The following STK32B variants were observed in gnomAD, a reference collection of about 807,000 sequenced individuals.
STK32B encodes the protein serine/threonine-protein kinase 32B.
A neutral mutation model predicts 52.6 loss-of-function variants in STK32B; 43 were observed. The ratio of observed to expected loss-of-function variants is 0.82; its 90% confidence interval spans 0.64 to 1.05. The LOEUF (loss-of-function observed/expected upper bound fraction) is 1.05. Ranked by LOEUF, STK32B falls within the 50% of genes least tolerant of loss-of-function variation. The pLI is 0.00. For missense variants in STK32B, 621 were observed against 534.6 expected, an observed-to-expected ratio of 1.16 and a Z score of -1.59; for synonymous variants, 238 against 204.3, an observed-to-expected ratio of 1.17 and a Z score of -1.41.
chr4:5,375,407 C>A (rs1735524330), intron 4 of STK32B, among the ~76,000 whole-genome samples: 1 of 152,122 alleles, frequency 6.6e-6, no homozygotes, highest in African/African-American at 2.4e-5. Flanking sequence ...GATAAATCTG[C>A]TATTTTTCTT....
rs188688928 is a variant in STK32B, at chr4:5,270,949, C to T, written c.261-60271C>T. 3.4e-3 allele frequency among the ~76,000 whole-genome samples: 523 copies of T among 152,166 alleles called. 3 individuals are homozygous for T. The highest frequency in any genetic ancestry group is 5.7e-3 in the Non-Finnish European group (387 of 67,990). On this transcript the variant is annotated intron_variant, in intron 3 of 11. Coordinates refer to ENST00000282908, the MANE Select transcript of STK32B (RefSeq NM_018401.3). ...TTTCTTCCCTCCACACCCCCCGCCC[C>T]TCCCGCCCAGAGACAGAGTGCTGTG...
At chr4:5,392,388 T>C (rs1222348550) in intron 4 of STK32B, among the ~76,000 whole-genome samples, 4 of 152,220 alleles carry the variant, frequency 2.6e-5, no homozygotes, top group African/African-American at 9.6e-5. Context: ...ATCATGCCAT[T>C]GCAGTCCAGC....
intron 3 of STK32B, among the ~76,000 whole-genome samples, chr4:5,309,030 G>A (rs1385944874): frequency 2.0e-5 from 3 of 152,016 alleles, no homozygotes; most frequent in Non-Finnish European, 4.4e-5. Context: ...ACTCTTATGG[G>A]TGATAAATGA....
In STK32B at chr4:5,456,876, C is replaced by T. The variant is rs936223001; in HGVS notation, c.736C>T (p.His246Tyr). ...ILNMFKVERV[H>Y]YSSTWCKGMV... ...CAACATGTTCAAGGTGGAGCGTGTC[C>T]ACTACTCCTCCACGTGGTGCAAGGG... Residue 246 changes from histidine (H) to tyrosine (Y), a missense_variant, in exon 8 of 12, where the codon CAC becomes TAC. Transcript: ENST00000282908. 3 of 1,595,968 alleles carry T rather than the reference C, an allele frequency of 1.9e-6. No individual in the cohort carries two copies. Among genetic ancestry groups the T allele is most frequent in the African/African-American group, 2.7e-5 (2 of 74,650 alleles).
chr4:5,294,880 G>T (rs1250451164), intron 3 of STK32B, among the ~76,000 whole-genome samples: 2 of 152,054 alleles, frequency 1.3e-5, no homozygotes, highest in Non-Finnish European at 2.9e-5. Context: ...TCCAGTTTTT[G>T]CCCATTCAGT....
At chr4:5,212,477 A>G (rs543577442) in intron 3 of STK32B, among the ~76,000 whole-genome samples, 1 of 152,330 alleles carries the variant, frequency 6.6e-6, no homozygotes, top group South Asian at 2.1e-4. Flanking sequence ...GATCATGTGA[A>G]GGGTACGAAA....
chr4:5,304,423 GTTT>G (rs200953192), intron 3 of STK32B, among the ~76,000 whole-genome samples: 11 of 137,416 alleles, frequency 8.0e-5, no homozygotes, highest in African/African-American at 1.8e-4. Context: ...GTATTTTATG[GTTT>G]TTTTTTTTTT....
intron 6 of STK32B, among the ~76,000 whole-genome samples, chr4:5,428,500 CATG>C (rs1168338428): frequency 2.0e-5 from 3 of 152,158 alleles, no homozygotes; most frequent in Admixed American, 6.5e-5. Context: ...TTAATTCTGT[CATG>C]ATCAGAGAAA....
intron 1 of STK32B, among the ~76,000 whole-genome samples, chr4:5,061,089 T>G (rs1389154531): frequency 6.6e-6 from 1 of 152,240 alleles, no homozygotes; most frequent in Non-Finnish European, 1.5e-5. Context: ...TTCTGACATT[T>G]TCCCCTTCTC....
Position 5,058,938 on chromosome 4 carries a change from A to T in STK32B, c.52+7023A>T, listed in dbSNP as rs1285393458. On this transcript the variant is annotated intron_variant, in intron 1 of 11. Transcript: ENST00000282908. This position sits in a 1 kb window ranked among gnomAD's most constrained non-coding sequence, Gnocchi z 4.8. ...GCTAATTTTTGTATTTTTGGTAGAGATGGGGTTTCACCATGTTGGCCAGGC... is the reference window on the plus strand; with the variant it reads ...GCTAATTTTTGTATTTTTGGTAGAGTTGGGGTTTCACCATGTTGGCCAGGC... Among the ~76,000 whole-genome samples the T allele has an allele frequency of 6.8e-6, 1 of 147,228 alleles. No individual in the cohort carries two copies. The highest frequency in any genetic ancestry group is 1.5e-5 in the Non-Finnish European group (1 of 67,204).
At chr4:5,079,001 C>G (rs1283905750) in intron 1 of STK32B, among the ~76,000 whole-genome samples, 1 of 152,120 alleles carries the variant, frequency 6.6e-6, no homozygotes, top group African/African-American at 2.4e-5. Flanking sequence ...GTTGAAAACG[C>G]TGCAGTTAGA....
chr4:5,276,494 G>T (rs1346547818), intron 3 of STK32B, among the ~76,000 whole-genome samples: 1 of 152,050 alleles, frequency 6.6e-6, no homozygotes, highest in Non-Finnish European at 1.5e-5. Context: ...GATGTTTCCA[G>T]TGTCTCTTAT....
At chr4:5,415,079 C>A (rs969522430) in intron 5 of STK32B, among the ~76,000 whole-genome samples, 1 of 152,116 alleles carries the variant, frequency 6.6e-6, no homozygotes, top group Non-Finnish European at 1.5e-5. Flanking sequence ...AGTTTGCTTT[C>A]TTGTTGGTAT....
At chr4:5,141,204 G>T (rs543464387) in intron 2 of STK32B, among the ~76,000 whole-genome samples, 1 of 152,334 alleles carries the variant, frequency 6.6e-6, no homozygotes, top group African/African-American at 2.4e-5. Flanking sequence ...GGAAGCTCAG[G>T]TTATGACGCA....
intron 3 of STK32B, among the ~76,000 whole-genome samples, chr4:5,293,194 T>C (rs1728994681): frequency 6.6e-6 from 1 of 152,098 alleles, no homozygotes; most frequent in Non-Finnish European, 1.5e-5. Flanking sequence ...TCTATCATTG[T>C]TGGGCTTTTG....
At chr4:5,062,409 A>G (rs1369952178) in intron 1 of STK32B, among the ~76,000 whole-genome samples, 3 of 152,226 alleles carry the variant, frequency 2.0e-5, no homozygotes, top group African/African-American at 7.2e-5. Context: ...AACAGAAGAA[A>G]TAGAGCATGT....
chr4:5,385,226 G>A lies in STK32B; in HGVS notation c.435-12981G>A, dbSNP rs150784515. 5.7e-3 allele frequency among the ~76,000 whole-genome samples: 874 copies of A among 152,144 alleles called. 9 individuals carry two copies. Among genetic ancestry groups the A allele is most frequent in the African/African-American group, 0.019 (797 of 41,514 alleles). ...TTTAGATTAAGGCAAGAGGGTGGGG[G>A]AAATGTTTGAAGAGAGGGACCTGAT... is the stretch of plus-strand genomic sequence containing the variant. On this transcript the variant is annotated intron_variant, in intron 4 of 11. Transcript: ENST00000282908.
chr4:5,265,410 A>T (rs1726995355), intron 3 of STK32B, among the ~76,000 whole-genome samples: 1 of 152,220 alleles, frequency 6.6e-6, no homozygotes, highest in South Asian at 2.1e-4. Context: ...GCCCACATGG[A>T]ATAAGACTTG....
At chr4:5,035,811 T>A in the STK32B span, among the ~76,000 whole-genome samples, 1 of 150,692 alleles carries the variant, frequency 6.6e-6, no homozygotes, top group African/African-American at 2.5e-5. Context: ...AGGGACGAAG[T>A]CTCGCTGTCA....
Sources: gnomAD v4.1 joint callset for allele counts (sites outside exome capture counted in the v4.1 genomes callset) on GRCh38, gnomAD v4.1.1 for gene constraint, Gnocchi (gnomAD v3.1) non-coding constraint, MANE v1.5 for transcripts, NCBI Gene and HGNC (gene_info 2026-07-23, HGNC 2026-07-21) for gene names.